The following RBFOX1 variants were observed in gnomAD, a reference collection of about 807,000 sequenced individuals.
The protein encoded by RBFOX1 is RNA binding protein fox-1 homolog 1.
RBFOX1 carries 8 observed loss-of-function variants against 57.7 expected under a neutral mutation model. The ratio of observed to expected loss-of-function variants is 0.14; its 90% CI spans 0.08 to 0.25. RBFOX1 has a LOEUF of 0.25. Among genes scored for constraint, RBFOX1 ranks in the 10% least tolerant of loss-of-function variants. RBFOX1 has a pLI of 1.00. For missense variants in RBFOX1, 611 were observed against 548.5 expected, an observed-to-expected ratio of 1.11 and a Z score of -1.14; for synonymous variants, 326 against 222.4, an observed-to-expected ratio of 1.47 and a Z score of -4.15.
At position 6,579,049 on chromosome 16, in the gene RBFOX1, A is replaced by G. The variant is rs533793412; in HGVS notation, c.-63-75554A>G. Among the ~76,000 whole-genome samples the G allele has an allele frequency of 7.7e-4, 117 of 152,276 alleles. 1 individual carries two copies. The highest frequency in any genetic ancestry group is 3.5e-3 in the Admixed American group (53 of 15,294). ...TTCCCAAAACCTATGAAAATATAAA[A>G]ATAACAAATAATTTTTGAAAATATT... On this transcript the variant is annotated intron_variant, in intron 2 of 15. Transcript: ENST00000550418.
chr16:6,713,587 C>T (rs943197633), intron 3 of RBFOX1, among the ~76,000 whole-genome samples: 3 of 152,080 alleles, frequency 2.0e-5, no homozygotes, highest in Non-Finnish European at 4.4e-5. Context: ...TTTCAAGTGT[C>T]CCTTTGTGGG....
At chr16:7,056,919 C>T (rs1252578075) in intron 4 of RBFOX1, among the ~76,000 whole-genome samples, 1 of 151,870 alleles carries the variant, frequency 6.6e-6, no homozygotes, top group Non-Finnish European at 1.5e-5. Flanking sequence ...GTTCAGATCC[C>T]ACTTCTAAAT....
At chr16:5,885,261 A>T (rs922897172) in intron 4 of RBFOX1, among the ~76,000 whole-genome samples, 3 of 150,956 alleles carry the variant, frequency 2.0e-5, no homozygotes, top group South Asian at 2.1e-4. Context: ...GAGGTGTCAT[A>T]TGAATCAACA....
Position 5,561,125 on chromosome 16 carries a change from C to A in RBFOX1, c.259-37777C>A, listed in dbSNP as rs542116298. ...GTACAACACTGTGACTATGTCCATC[C>A]TCAGGGCAGGAGGGGTGGGAAAATG... On this transcript the variant is annotated intron_variant, in intron 2 of 2. Transcript: ENST00000585867. Among the ~76,000 whole-genome samples, 7 of 152,254 alleles carry A rather than the reference C, an allele frequency of 4.6e-5. No homozygotes were observed. In the East Asian group the frequency reaches 1.4e-3, roughly 29 times the overall value.
At chr16:6,525,455 A>C (rs1005313504) in intron 2 of RBFOX1, among the ~76,000 whole-genome samples, 1 of 152,218 alleles carries the variant, frequency 6.6e-6, no homozygotes, top group African/African-American at 2.4e-5. Context: ...TTAAAAGTCA[A>C]TGAAGATGTT....
chr16:6,754,909 G>A (rs145501435), intron 3 of RBFOX1, among the ~76,000 whole-genome samples: 2,565 of 151,532 alleles, frequency 0.017, 64 homozygotes, highest in African/African-American at 0.058. Flanking sequence ...CTGTGTCCAT[G>A]TGTTCTCATT....
chr16:6,665,728 C>G (rs575249876), intron 3 of RBFOX1, among the ~76,000 whole-genome samples: 1 of 151,728 alleles, frequency 6.6e-6, no homozygotes, highest in African/African-American at 2.4e-5. Flanking sequence ...TAGCAACTAC[C>G]TTGCATTGAG....
At chr16:6,920,819 A>G (rs1025113009) in intron 3 of RBFOX1, among the ~76,000 whole-genome samples, 9 of 152,180 alleles carry the variant, frequency 5.9e-5, no homozygotes, top group African/African-American at 2.2e-4. Flanking sequence ...ATCCAGGATG[A>G]TTCCATCTTG....
At chr16:6,935,197 A>G (rs2077171152) in intron 3 of RBFOX1, among the ~76,000 whole-genome samples, 1 of 152,240 alleles carries the variant, frequency 6.6e-6, no homozygotes, top group Non-Finnish European at 1.5e-5. Context: ...AGATAATAAT[A>G]CATAGCTCAG....
chr16:6,800,871 A>G (rs564111141), intron 3 of RBFOX1, among the ~76,000 whole-genome samples: 3 of 152,178 alleles, frequency 2.0e-5, no homozygotes, highest in Admixed American at 6.5e-5. Context: ...TTGTTTTTCT[A>G]TGTAGTTGGA....
intron 1 of RBFOX1, among the ~76,000 whole-genome samples, chr16:5,242,331 G>T (rs1430264528): frequency 6.6e-6 from 1 of 152,210 alleles, no homozygotes. Context: ...CTTGTTTCCT[G>T]AATCTGAATA....
intron 4 of RBFOX1, among the ~76,000 whole-genome samples, chr16:7,428,473 T>G (rs909264736): frequency 2.0e-5 from 3 of 147,880 alleles, no homozygotes; most frequent in Admixed American, 6.8e-5. Flanking sequence ...ATTACAGGCA[T>G]CCACTACCAC....
intron 2 of RBFOX1, among the ~76,000 whole-genome samples, chr16:6,529,201 T>C (rs1303200606): frequency 6.6e-6 from 1 of 152,180 alleles, no homozygotes; most frequent in African/African-American, 2.4e-5. Flanking sequence ...AGAGGGTTGT[T>C]TTTATTGTAA....
At chr16:5,638,459 C>T (rs1340035727) in intron 3 of RBFOX1, among the ~76,000 whole-genome samples, 1 of 152,096 alleles carries the variant, frequency 6.6e-6, no homozygotes, top group Non-Finnish European at 1.5e-5. Flanking sequence ...TTCTAGGGGC[C>T]TCCATTGCCT....
chr16:6,851,678 T>C (rs1169162921), intron 3 of RBFOX1, among the ~76,000 whole-genome samples: 2 of 152,116 alleles, frequency 1.3e-5, no homozygotes, highest in African/African-American at 2.4e-5. Context: ...CGAGAAGACA[T>C]GGGTGAGATA....
chr16:6,422,454 T>C (rs2093802496), intron 2 of RBFOX1, among the ~76,000 whole-genome samples: 1 of 152,062 alleles, frequency 6.6e-6, no homozygotes, highest in Non-Finnish European at 1.5e-5. Context: ...TGCCCATGTA[T>C]TAGTTCACTT....
chr16:6,493,988 A>G (rs1472151938), intron 2 of RBFOX1, among the ~76,000 whole-genome samples: 1 of 152,218 alleles, frequency 6.6e-6, no homozygotes, highest in Non-Finnish European at 1.5e-5. Flanking sequence ...ATACAGAGAG[A>G]AGGTTGGCGA....
rs200917305 is a variant in RBFOX1, at chr16:5,401,793, T to TCCTCCTCCTC, written c.220-65422_220-65421insCTCCTCCTCC. Among the ~76,000 whole-genome samples, 192 of 149,050 alleles carry TCCTCCTCCTC rather than the reference T, an allele frequency of 1.3e-3. 2 individuals are homozygous for TCCTCCTCCTC. The highest frequency in any genetic ancestry group is 2.2e-3 in the African/African-American group (90 of 40,370). On this transcript the variant is annotated intron_variant, in intron 1 of 2. Coordinates refer to the RBFOX1 transcript ENST00000585867. ...CTCCTCCTCCTCCTCCTCCTCCTCCTCTTTCTCCTCCTCCTTCTCCTTCTC... is the reference window on the plus strand; with the variant it reads ...CTCCTCCTCCTCCTCCTCCTCCTCCTCCTCCTCCTCCTTTCTCCTCCTCCTTCTCCTTCTC...
downstream of RBFOX1, among the ~76,000 whole-genome samples, chr16:5,603,663 C>T (rs2047445742): frequency 6.6e-6 from 1 of 152,132 alleles, no homozygotes; most frequent in South Asian, 2.1e-4. Flanking sequence ...AAATGAGGGT[C>T]TTTGCTTAGA....
Sources: allele counts gnomAD v4.1 joint callset (sites outside exome capture counted in the v4.1 genomes callset), GRCh38; gene constraint gnomAD v4.1.1; transcripts MANE v1.5; gene names NCBI Gene and HGNC (gene_info 2026-07-23, HGNC 2026-07-21).